Variants in RAB27A observed in about 807,000 individuals in gnomAD.
RAB27A encodes the protein ras-related protein Rab-27A.
Under a neutral mutation model 20.8 loss-of-function variants are expected in RAB27A, and 17 were observed. The ratio of observed to expected loss-of-function variants is 0.82; its 90% CI spans 0.56 to 1.23. The LOEUF (loss-of-function observed/expected upper bound fraction) is 1.23, where lower values mean the gene tolerates loss of function less well. Ranked by LOEUF, RAB27A falls within the 50% of genes most tolerant of loss-of-function variation. The pLI is 0.00. For synonymous variants in RAB27A, 85 were observed against 92.8 expected, an observed-to-expected ratio of 0.92 and a Z score of 0.48; for missense variants, 277 against 266.7, an observed-to-expected ratio of 1.04 and a Z score of -0.27.
chr15:55,302,875 C>T (rs1357346195), intron 2 of RAB27A, among the ~76,000 whole-genome samples: 347 of 139,294 alleles, frequency 2.5e-3, no homozygotes, highest in African/African-American at 4.0e-3. Flanking sequence ...CCCCTCCGTC[C>T]GGCAGCTGCC....
intron 2 of RAB27A, among the ~76,000 whole-genome samples, chr15:55,242,330 G>A (rs1233202433): frequency 6.6e-6 from 1 of 152,172 alleles, no homozygotes; most frequent in African/African-American, 2.4e-5. Flanking sequence ...TTTTCTCAGT[G>A]TGATGGCAAA....
At chr15:55,279,040 T>C (rs1022027887) in intron 1 of RAB27A, among the ~76,000 whole-genome samples, 2 of 152,146 alleles carry the variant, frequency 1.3e-5, no homozygotes, top group African/African-American at 2.4e-5. Context: ...AGGGCACAGT[T>C]GCTAAAAGAA....
chr15:55,317,975 C>T, intron 1 of RAB27A: 1 of 355,144 alleles, frequency 2.8e-6, no homozygotes, highest in Non-Finnish European at 5.0e-6. Flanking sequence ...TAATATGTTA[C>T]TAATTAAAAC....
Position 55,205,139 on chromosome 15 carries a change from G to A in RAB27A, c.*368C>T, listed in dbSNP as rs952146295. ...TATAACTGCATGTAAGATCTTAAAT[G>A]TAAGACTCTGGGCCTACCTACATTA... On this transcript the variant is annotated 3_prime_UTR_variant, in exon 7 of 7. Transcript: ENST00000336787. 3 of 294,258 alleles carry A rather than the reference G, an allele frequency of 1.0e-5. No homozygotes were observed. The highest frequency in any genetic ancestry group is 4.9e-5 in the Admixed American group (1 of 20,444). 18.2% of individuals were successfully genotyped at this position (294,258 alleles called of 1,614,324 possible). A position where few individuals can be genotyped will look rare whatever the true frequency, so the allele number is the denominator to read the frequency against.
chr15:55,222,969 C>T (rs1273850409), intron 6 of RAB27A, among the ~76,000 whole-genome samples: 3 of 151,400 alleles, frequency 2.0e-5, no homozygotes, highest in Non-Finnish European at 4.4e-5. Flanking sequence ...CAGCTGACCA[C>T]TTCTTTCATG....
rs59221045 is a variant in RAB27A, at chr15:55,212,532, CT to C, written c.468-6828del. Among the ~76,000 whole-genome samples, 549 of 133,942 alleles carry C rather than the reference CT, an allele frequency of 4.1e-3. 2 individuals carry two copies. The highest frequency in any genetic ancestry group is 8.0e-3 in the African/African-American group (277 of 34,502). The allele number at this position is 133,942 out of a possible 152,430, so 87.9% of individuals were successfully genotyped here. On this transcript the variant is annotated intron_variant, in intron 6 of 6. Coordinates refer to ENST00000336787, the MANE Select transcript of RAB27A (RefSeq NM_183235.3). ...ATCAAGTTGCTCAAGAGCAACAAAT[CT>C]TTTTTTTTTTTTTTTTGAGACAGTC...
At chr15:55,224,394 T>G (rs1192280074) in intron 5 of RAB27A, among the ~76,000 whole-genome samples, 1 of 152,248 alleles carries the variant, frequency 6.6e-6, no homozygotes, top group African/African-American at 2.4e-5. Flanking sequence ...ATCTTAAAAC[T>G]GTTTTTATGT....
At chr15:55,237,105 T>C (rs1896289630) in intron 2 of RAB27A, among the ~76,000 whole-genome samples, 1 of 152,202 alleles carries the variant, frequency 6.6e-6, no homozygotes, top group Admixed American at 6.5e-5. Context: ...TATCCATCTA[T>C]ACACATGCCA....
chr15:55,234,455 G>C lies in RAB27A; in HGVS notation c.153+327C>G, dbSNP rs375593882. On this transcript the variant is annotated intron_variant, in intron 3 of 6. Transcript: ENST00000336787. ...GGAAGACACAGCCCATAAAACAAGA[G>C]TATGAGGGGCAAGGTGGTTGGCAGG... 2.0e-5 allele frequency among the ~76,000 whole-genome samples: 3 copies of C among 152,296 alleles called. No homozygotes were observed. In the East Asian group the frequency reaches 5.8e-4, roughly 29 times the overall value.
chr15:55,240,562 C>T (rs866626531), intron 2 of RAB27A, among the ~76,000 whole-genome samples: 1 of 152,052 alleles, frequency 6.6e-6, no homozygotes, highest in South Asian at 2.1e-4. Flanking sequence ...CTTGGCCAGT[C>T]TACCCACATA....
intron 6 of RAB27A, among the ~76,000 whole-genome samples, chr15:55,218,658 G>A (rs577797235): frequency 1.3e-5 from 2 of 152,084 alleles, no homozygotes; most frequent in South Asian, 4.2e-4. Context: ...CTTCAGCAGG[G>A]AGAACATCAT....
chr15:55,206,713 T>C (rs1484163980), intron 6 of RAB27A, among the ~76,000 whole-genome samples: 2 of 152,150 alleles, frequency 1.3e-5, no homozygotes, highest in East Asian at 3.8e-4. Context: ...AAAGTAAAAC[T>C]TGAAAACTTT....
intron 2 of RAB27A, among the ~76,000 whole-genome samples, chr15:55,300,593 C>T (rs1331080271): frequency 1.3e-5 from 2 of 152,038 alleles, no homozygotes; most frequent in East Asian, 1.9e-4. Context: ...GCAAGAGAAT[C>T]GCTTGAACCC....
At chr15:55,292,254 T>C (rs2054925578), upstream of RAB27A, among the ~76,000 whole-genome samples, 1 of 152,218 alleles carries the variant, frequency 6.6e-6, no homozygotes. Context: ...ATACGTGTCT[T>C]ACAACTACTT....
chr15:55,243,813 C>G (rs1001374653), intron 2 of RAB27A, among the ~76,000 whole-genome samples: 1 of 152,066 alleles, frequency 6.6e-6, no homozygotes, highest in African/African-American at 2.4e-5. Context: ...CTACCTTAGA[C>G]CTTATAGTTT....
At chr15:55,315,951 C>T (rs1372426039) in intron 1 of RAB27A, among the ~76,000 whole-genome samples, 7 of 152,100 alleles carry the variant, frequency 4.6e-5, no homozygotes, top group Admixed American at 2.0e-4. Flanking sequence ...GACACATGCA[C>T]GGCCAGGCGC....
chr15:55,259,058 C>A (rs138363140), intron 2 of RAB27A, among the ~76,000 whole-genome samples: 1 of 152,140 alleles, frequency 6.6e-6, no homozygotes, highest in East Asian at 1.9e-4. Context: ...GCAAGTGATC[C>A]GCCCACCTTG....
chr15:55,281,359 T>C (rs1898012010), intron 1 of RAB27A, among the ~76,000 whole-genome samples: 1 of 152,214 alleles, frequency 6.6e-6, no homozygotes, highest in Non-Finnish European at 1.5e-5. Flanking sequence ...AGGAATCTAC[T>C]CTGCTTAGCA....
intron 2 of RAB27A, among the ~76,000 whole-genome samples, chr15:55,266,565 A>G (rs1306133203): frequency 1.3e-5 from 2 of 152,218 alleles, no homozygotes; most frequent in East Asian, 1.9e-4. Context: ...TAAATGGTAT[A>G]ACATTAACTG....
Sources: allele counts gnomAD v4.1 joint callset (sites outside exome capture counted in the v4.1 genomes callset), GRCh38; gene constraint gnomAD v4.1.1; transcripts MANE v1.5; gene names NCBI Gene and HGNC (gene_info 2026-07-23, HGNC 2026-07-21).